OPHN1: variants seen among roughly 807,000 people sequenced by gnomAD.
OPHN1 encodes the protein oligophrenin-1.
Under a neutral mutation model 60.7 loss-of-function variants are expected in OPHN1, and 11 were observed. The observed-to-expected ratio is 0.18, with a 90% CI of 0.11 to 0.30. OPHN1 has a LOEUF of 0.30. OPHN1 is among the 10% of genes least tolerant of loss of function. The probability of loss-of-function intolerance (pLI) is 1.00; values close to 1 mark genes in which losing one functional copy is unlikely to be tolerated. For missense variants in OPHN1, 449 were observed against 611.0 expected (o/e 0.73, Z 2.80); for synonymous variants, 226 against 222.6 (o/e 1.02, Z -0.14).
At chrX:68,301,099 C>T (rs1378071303) in intron 2 of OPHN1, among the ~76,000 whole-genome samples, 3 of 106,800 alleles carry the variant, frequency 2.8e-5, no homozygotes, top group African/African-American at 1.1e-4. Flanking sequence ...CTGTCCTCAC[C>T]TTAGAATCAA....
chrX:68,209,167 G>A (rs1422681144), intron 9 of OPHN1, among the ~76,000 whole-genome samples: 2 of 111,745 alleles, frequency 1.8e-5, no homozygotes, highest in Non-Finnish European at 3.8e-5. Context: ...GGGGAGTATT[G>A]GGTCATAGTT....
chrX:68,332,718 T>C (rs1251590522), intron 2 of OPHN1, among the ~76,000 whole-genome samples: 3 of 110,436 alleles, frequency 2.7e-5, no homozygotes, highest in South Asian at 3.9e-4. Flanking sequence ...AAGCAGGAGA[T>C]TTCTGGGCCA....
intron 2 of OPHN1, among the ~76,000 whole-genome samples, chrX:68,363,041 A>G: frequency 9.1e-6 from 1 of 110,294 alleles, no homozygotes; most frequent in East Asian, 2.9e-4. Flanking sequence ...TGAGGTCAAG[A>G]GTTCAAGACC....
intron 15 of OPHN1, among the ~76,000 whole-genome samples, chrX:68,123,872 G>A (rs953266672): frequency 9.1e-6 from 1 of 110,495 alleles, no homozygotes; most frequent in African/African-American, 3.3e-5. Context: ...ATGGGACGGA[G>A]TAAATCATTA....
chrX:68,336,502 C>T (rs927310587), intron 2 of OPHN1: 5 of 110,629 alleles, frequency 4.5e-5, no homozygotes, highest in Admixed American at 9.8e-5. Context: ...TTGCAGTAAG[C>T]GAAGATCACA....
chrX:68,397,461 T>C (rs1397677308), intron 2 of OPHN1, among the ~76,000 whole-genome samples: 1 of 65,904 alleles, frequency 1.5e-5, no homozygotes, highest in Non-Finnish European at 3.0e-5. Flanking sequence ...TTTTATGTTC[T>C]TTTTTTTTTT....
chrX:68,369,205 G>GA lies in OPHN1; in HGVS notation c.154+63661dup, dbSNP rs201238901. On this transcript the variant is annotated intron_variant, in intron 2 of 24. Coordinates refer to ENST00000355520, the MANE Select transcript of OPHN1 (RefSeq NM_002547.3). ...CCTGGGAAACAGAGTGAGACTCCTCGAAAAAAAAAAATCTAGTCATCTCTT... is the reference window on the plus strand; with the variant it reads ...CCTGGGAAACAGAGTGAGACTCCTCGAAAAAAAAAAAATCTAGTCATCTCTT... Among the ~76,000 whole-genome samples the GA allele has an allele frequency of 7.9e-3, 826 of 104,759 alleles. 6 individuals are homozygous for GA. The highest frequency in any genetic ancestry group is 0.027 in the African/African-American group (772 of 28,936). 91.0% of individuals were successfully genotyped at this position (104,759 alleles called of 115,157 possible).
chrX:68,368,568 G>T (rs1424350155), intron 2 of OPHN1, among the ~76,000 whole-genome samples: 1 of 109,872 alleles, frequency 9.1e-6, no homozygotes, highest in East Asian at 2.9e-4. Context: ...CATGTATATG[G>T]GGAATTTAGA....
chrX:68,073,407 C>T (rs753380433), intron 19 of OPHN1, 108 bp from the exon 20 acceptor site: 7 of 643,532 alleles, frequency 1.1e-5, no homozygotes, highest in East Asian at 3.3e-5. Context: ...GAGTTTGTAA[C>T]GTGAATACTA....
At chrX:68,191,877 A>G (rs1432453793) in intron 15 of OPHN1, among the ~76,000 whole-genome samples, 1 of 111,604 alleles carries the variant, frequency 9.0e-6, no homozygotes, top group Non-Finnish European at 1.9e-5. Context: ...TGGCCCAACA[A>G]AGCTTAAAAA....
intron 3 of OPHN1, among the ~76,000 whole-genome samples, chrX:68,294,245 C>T (rs941914060): frequency 1.8e-5 from 2 of 109,628 alleles, no homozygotes; most frequent in African/African-American, 6.6e-5. Flanking sequence ...CCAGGGTAGG[C>T]GGATTACCTG....
chrX:68,105,247 G>A (rs2077076274), intron 18 of OPHN1, among the ~76,000 whole-genome samples: 1 of 110,427 alleles, frequency 9.1e-6, no homozygotes, highest in African/African-American at 3.3e-5. Context: ...AAGACAGTGT[G>A]GTGATTCCTC....
chrX:68,254,342 T>C (rs747477520), intron 5 of OPHN1, among the ~76,000 whole-genome samples: 9 of 111,677 alleles, frequency 8.1e-5, no homozygotes, highest in Non-Finnish European at 1.7e-4. Context: ...GTGATTATTA[T>C]ATTAAAGTAC....
chrX:68,371,093 G>C (rs1460245308), intron 2 of OPHN1, among the ~76,000 whole-genome samples: 2 of 111,494 alleles, frequency 1.8e-5, no homozygotes, highest in Non-Finnish European at 3.8e-5. Flanking sequence ...GGATTAAAAA[G>C]CAGGATCTAA....
chrX:68,157,398 A>G (rs2147499105), intron 15 of OPHN1, among the ~76,000 whole-genome samples: 1 of 112,521 alleles, frequency 8.9e-6, no homozygotes, highest in South Asian at 3.7e-4. Flanking sequence ...CTATGCAGCC[A>G]TAAAAAGAAC....
At chrX:68,170,732 T>C (rs1488808849) in intron 15 of OPHN1, among the ~76,000 whole-genome samples, 1 of 88,223 alleles carries the variant, frequency 1.1e-5, no homozygotes, top group African/African-American at 4.5e-5. Flanking sequence ...AACTGAACAA[T>C]GAGAACACAT....
intron 6 of OPHN1, among the ~76,000 whole-genome samples, chrX:68,227,554 G>A (rs1419131608): frequency 1.8e-5 from 2 of 111,514 alleles, no homozygotes; most frequent in Non-Finnish European, 3.8e-5. Flanking sequence ...ATAACAAACT[G>A]TCTCTCAGAC....
At chrX:68,128,631 T>C (rs2077181610) in intron 15 of OPHN1, among the ~76,000 whole-genome samples, 1 of 112,081 alleles carries the variant, frequency 8.9e-6, no homozygotes, top group Non-Finnish European at 1.9e-5. Flanking sequence ...GACTAAATAT[T>C]GCATGTTGTC....
At chrX:68,217,531 C>T (rs1239502081) in intron 6 of OPHN1, among the ~76,000 whole-genome samples, 6 of 110,376 alleles carry the variant, frequency 5.4e-5, no homozygotes, top group African/African-American at 2.0e-4. Context: ...ATGTCCCTGT[C>T]TGACAGCTTT....
Sources: allele counts gnomAD v4.1 joint callset (sites outside exome capture counted in the v4.1 genomes callset), GRCh38; gene constraint gnomAD v4.1.1; transcripts MANE v1.5; gene names NCBI Gene and HGNC (gene_info 2026-07-23, HGNC 2026-07-21).